Variants in CEP170B observed in about 807,000 individuals in gnomAD.
The protein encoded by CEP170B is centrosomal protein 170B, also known as centrosomal protein of 170 kDa protein B.
CEP170B carries 55 observed loss-of-function variants against 120.6 expected under a neutral mutation model. The ratio of observed to expected loss-of-function variants is 0.46; its 90% CI spans 0.37 to 0.57. The LOEUF (loss-of-function observed/expected upper bound fraction) is 0.57. Among genes scored for constraint, CEP170B ranks in the 20% least tolerant of loss-of-function variants. The pLI, the probability that CEP170B is intolerant of heterozygous loss-of-function variation, is 0.00. For synonymous variants in CEP170B, 1,033 were observed against 954.5 expected (o/e 1.08, Z -1.52); for missense variants, 2,212 against 2,253.3 (o/e 0.98, Z 0.37).
At chr14:104,871,562 A>G (rs1282740003) in intron 2 of CEP170B, among the ~76,000 whole-genome samples, 1 of 152,130 alleles carries the variant, frequency 6.6e-6, no homozygotes, top group Non-Finnish European at 1.5e-5. Context: ...TCCACTGGGC[A>G]GGGTGTCAAG....
intron 2 of CEP170B, among the ~76,000 whole-genome samples, chr14:104,872,832 C>T (rs1338565822): frequency 6.6e-6 from 1 of 152,206 alleles, no homozygotes; most frequent in South Asian, 2.1e-4. Flanking sequence ...CAGAGGGCGT[C>T]AGACGTGAAC....
At chr14:104,882,354 G>A (rs1428986692) in intron 6 of CEP170B, among the ~76,000 whole-genome samples, 1 of 152,186 alleles carries the variant, frequency 6.6e-6, no homozygotes, top group East Asian at 1.9e-4. Context: ...GATGCGCTCT[G>A]GGGTCGGGAA....
At chr14:104,864,887 C>T (rs1017973370), upstream of CEP170B, among the ~76,000 whole-genome samples, 1 of 152,258 alleles carries the variant, frequency 6.6e-6, no homozygotes, top group South Asian at 2.1e-4. The surrounding 1 kb of genome is among the most constrained non-coding windows in gnomAD (Gnocchi z 5.9). Flanking sequence ...AACCCGCTGG[C>T]CCTGGGCCAG....
chr14:104,890,941 A>G (rs1199308492), intron 13 of CEP170B, among the ~76,000 whole-genome samples: 2 of 75,690 alleles, frequency 2.6e-5, no homozygotes, highest in Non-Finnish European at 4.9e-5. Flanking sequence ...GGGTGGATGG[A>G]TGGGTGGGTG....
At chr14:104,866,272 T>A (rs1895200390) in intron 1 of CEP170B, among the ~76,000 whole-genome samples, 1 of 152,136 alleles carries the variant, frequency 6.6e-6, no homozygotes, top group Non-Finnish European at 1.5e-5. Context: ...TCGGCTTCAT[T>A]TCGCCTTAAA....
At position 104,868,739 on chromosome 14, in the gene CEP170B, G is replaced by A. The variant is rs764197790; in HGVS notation, c.105+184G>A. ...AGGGCTCTGGGGCTCCCGTGGGTGC[G>A]TGCAGGGGTGTGTGTGTGCTCACAG... On this transcript the variant is annotated intron_variant, in intron 2 of 18. Transcript: ENST00000414716. This position sits in a 1 kb window ranked among gnomAD's most constrained non-coding sequence, Gnocchi z 5.9. Among the ~76,000 whole-genome samples, 192 of 152,310 alleles carry A rather than the reference G, an allele frequency of 1.3e-3. 2 individuals carry two copies. Among genetic ancestry groups the A allele is most frequent in the Non-Finnish European group, 1.5e-4 (10 of 68,022 alleles).
Position 104,865,653 on chromosome 14 carries a change from T to C in CEP170B, c.-28+140T>C. ...GGGGTTGGGGGCCGCCCGGCGCACC[T>C]GGTCAGGCGGGTCCCCGCCGCCGCG... On this transcript the variant is annotated intron_variant, in intron 1 of 18. Coordinates refer to ENST00000414716, the MANE Select transcript of CEP170B (RefSeq NM_001112726.3). This position sits in a 1 kb window ranked among gnomAD's most constrained non-coding sequence, Gnocchi z 6.7. 6.6e-6 allele frequency: 1 copy of C among 151,292 alleles called. No individual in the cohort carries two copies. Among genetic ancestry groups the C allele is most frequent in the Non-Finnish European group, 1.5e-5 (1 of 67,724 alleles). The allele number at this position is 151,292 out of a possible 1,614,324, so 9.4% of individuals were successfully genotyped here. A position where few individuals can be genotyped will look rare whatever the true frequency, so the allele number is the denominator to read the frequency against.
chr14:104,882,656 G>A lies in CEP170B; in HGVS notation c.473-72G>A, dbSNP rs1175033322. On this transcript the variant is annotated intron_variant, in intron 6 of 18. Coordinates refer to ENST00000414716, the MANE Select transcript of CEP170B (RefSeq NM_001112726.3). ...CTGCCCCAGAGTCCAGCCTCTCCTG[G>A]GCTGCCAGTTCTCTGCTTTTCACAC... The A allele has an allele frequency of 6.3e-6, 8 of 1,269,826 alleles. No individual in the cohort carries two copies. In the Admixed American group the frequency reaches 8.5e-5, roughly 13 times the overall value. 78.7% of individuals were successfully genotyped at this position (1,269,826 alleles called of 1,614,324 possible).
At chr14:104,879,562 A>G (rs769762450) in intron 5 of CEP170B, among the ~76,000 whole-genome samples, 2 of 152,090 alleles carry the variant, frequency 1.3e-5, no homozygotes, top group Admixed American at 6.5e-5. Flanking sequence ...CTCCTCCCGC[A>G]CTGCCCGCCC....
chr14:104,893,108 C>T lies in CEP170B; in HGVS notation c.4011C>T (p.Pro1337=), dbSNP rs746697039. 6.5e-5 allele frequency: 105 copies of T among 1,609,468 alleles called. No individual in the cohort carries two copies. Among genetic ancestry groups the T allele is most frequent in the East Asian group, 1.3e-4 (6 of 44,834 alleles). Residue 1337 remains proline, a synonymous_variant, in exon 14 of 19, where the codon CCC becomes CCT. Transcript: ENST00000414716. ...CCCTCAGCAACATGCCCAGCACCCC[C>T]GCCTCGACCATCTCTGCCCGGGAGG... ...SASLSNMPST[P]ASTISAREEL...
In CEP170B at chr14:104,882,728, A is replaced by C. The variant is rs780326459; in HGVS notation, c.473A>C (p.Glu158Ala). The change falls in exon 7 of 19, where the codon GAG becomes GCG. Residue 158 changes from glutamate (E) to alanine (A), a missense_variant and splice_region_variant. This residue lies in a region of CEP170B where 2,166 missense variants were observed against 2,166.7 expected (regional missense o/e 1.00). Transcript: ENST00000414716. Reference protein sequence around the residue: ...PEKGDRRPGTEAASYRTPLYG... With the variant: ...PEKGDRRPGTAAASYRTPLYG... ...GTCTGACCTCTCGCTCCCTCCACAGAGGCAGCCTCTTACCGCACACCCCTG... is the reference window on the plus strand; with the variant it reads ...GTCTGACCTCTCGCTCCCTCCACAGCGGCAGCCTCTTACCGCACACCCCTG... 6.2e-7 allele frequency: 1 copy of C among 1,610,818 alleles called. No homozygotes were observed. The highest frequency in any genetic ancestry group is 8.5e-7 in the Non-Finnish European group (1 of 1,178,818).
chr14:104,885,202 C>G (rs1393578784), intron 9 of CEP170B, among the ~76,000 whole-genome samples, 167 bp from the exon 10 acceptor site: 16 of 152,122 alleles, frequency 1.1e-4, no homozygotes, highest in Non-Finnish European at 1.5e-5. Context: ...GGGTCCGTAT[C>G]CCATCCGCAT....
chr14:104,888,901 G>T (rs1896652808), intron 12 of CEP170B, among the ~76,000 whole-genome samples: 1 of 152,148 alleles, frequency 6.6e-6, no homozygotes, highest in Non-Finnish European at 1.5e-5. Context: ...GGAGCCTGCT[G>T]TCCCTACCCG....
chr14:104,878,299 A>G (rs1176837158), intron 4 of CEP170B, 144 bp from the exon 5 acceptor site: 4 of 800,682 alleles, frequency 5.0e-6, no homozygotes, highest in East Asian at 5.1e-5. Flanking sequence ...ATGGGTGGGC[A>G]TGGCTGTGCC....
At chr14:104,877,833 G>GCCC in intron 3 of CEP170B, 52 bp from the exon 4 acceptor site, 6 of 359,792 alleles carry the variant, frequency 1.7e-5, no homozygotes, top group Non-Finnish European at 1.8e-5. Flanking sequence ...CCTGCCCACA[G>GCCC]CCACCCACCC....
At chr14:104,876,001 C>T (rs1212926967) in intron 2 of CEP170B, among the ~76,000 whole-genome samples, 2 of 152,166 alleles carry the variant, frequency 1.3e-5, no homozygotes, top group Admixed American at 6.5e-5. Context: ...AGCACTCCCA[C>T]GGCCCAGCGG....
In CEP170B at chr14:104,883,987, C is replaced by A; in HGVS notation, c.1208C>A (p.Ala403Asp). Residue 403 changes from alanine (A) to aspartate (D), a missense_variant, in exon 9 of 19, where the codon GCC becomes GAC. Transcript: ENST00000414716. ...CAGGAGCTACTACATAACCAGCAGG[C>A]CTTTGTCATCGAGTTCTTCGACGAG... ...DPQELLHNQQ[A>D]FVIEFFDEDT... The A allele has an allele frequency of 1.2e-6, 2 of 1,610,698 alleles. No individual in the cohort carries two copies. Among genetic ancestry groups the A allele is most frequent in the Non-Finnish European group, 1.7e-6 (2 of 1,178,850 alleles).
At chr14:104,884,611 G>A in intron 9 of CEP170B, 62 bp downstream of exon 9, 1 of 1,465,268 alleles carries the variant, frequency 6.8e-7, no homozygotes, top group Non-Finnish European at 9.2e-7. Context: ...CGATGCCGGG[G>A]GTGGCGAGTG....
chr14:104,874,200 AG>A (rs1286957875), intron 2 of CEP170B, among the ~76,000 whole-genome samples: 1 of 152,166 alleles, frequency 6.6e-6, no homozygotes, highest in African/African-American at 2.4e-5. Flanking sequence ...CTTCAGGGAC[AG>A]GTAGGAAGTC....
Sources: gnomAD v4.1 joint callset for allele counts (sites outside exome capture counted in the v4.1 genomes callset) on GRCh38, gnomAD v4.1.1 for gene constraint, gnomAD v4.1.1 regional missense constraint, Gnocchi (gnomAD v3.1) non-coding constraint, MANE v1.5 for transcripts, NCBI Gene and HGNC (gene_info 2026-07-23, HGNC 2026-07-21) for gene names.